Variants in JMJD6 observed in about 807,000 individuals in gnomAD.
JMJD6 encodes bifunctional arginine demethylase and lysyl-hydroxylase JMJD6.
Under a neutral mutation model 45.8 loss-of-function variants are expected in JMJD6, and 17 were observed. That is an observed-to-expected ratio of 0.37 (90% CI 0.25 to 0.56). The LOEUF is 0.56. JMJD6 is among the 20% of genes least tolerant of loss of function. The pLI is 0.79. For synonymous variants in JMJD6, 221 were observed against 196.3 expected (o/e 1.13, Z -1.05); for missense variants, 470 against 517.5 (o/e 0.91, Z 0.89).
chr17:76,716,860 C>A, downstream of JMJD6: 1 of 745,206 alleles, frequency 1.3e-6, no homozygotes, highest in South Asian at 1.6e-5. Context: ...AGTTTTCTTA[C>A]AAATTACAAA....
chr17:76,720,172 T>G (rs1007413347), intron 5 of JMJD6, among the ~76,000 whole-genome samples, 188 bp downstream of exon 5: 1 of 152,100 alleles, frequency 6.6e-6, no homozygotes, highest in Admixed American at 6.6e-5. Context: ...CATGCACATG[T>G]GCAAAGCTGT....
chr17:76,726,253 G>A (rs2076929531), intron 1 of JMJD6, 94 bp downstream of exon 1: 2 of 1,428,610 alleles, frequency 1.4e-6, no homozygotes, highest in Non-Finnish European at 1.8e-6. Context: ...GGTCCCGGGC[G>A]CTCGGGGCGA....
At chr17:76,718,285 C>A (rs2076782198), downstream of JMJD6, among the ~76,000 whole-genome samples, 1 of 151,798 alleles carries the variant, frequency 6.6e-6, no homozygotes, top group Non-Finnish European at 1.5e-5. Flanking sequence ...TCAGGTTCTG[C>A]AGAAGATGCC....
At chr17:76,716,587 A>G, downstream of JMJD6, 1 of 1,109,950 alleles carries the variant, frequency 9.0e-7, no homozygotes, top group Non-Finnish European at 1.4e-6. Context: ...AATTCAAAGA[A>G]GACAGAGGAG....
chr17:76,720,279 G>C, intron 5 of JMJD6, 81 bp downstream of exon 5: 1 of 1,284,862 alleles, frequency 7.8e-7, no homozygotes, highest in Non-Finnish European at 1.1e-6. Context: ...CTGGATAGGA[G>C]GAGGAAGAGT....
At chr17:76,716,542 G>A (rs1268597011), downstream of JMJD6, 13 of 722,222 alleles carry the variant, frequency 1.8e-5, no homozygotes, top group African/African-American at 8.8e-5. Flanking sequence ...GCATTTGACC[G>A]AAGATAGGAG....
chr17:76,722,737 T>C (rs559264907), intron 3 of JMJD6, among the ~76,000 whole-genome samples: 2 of 148,158 alleles, frequency 1.3e-5, no homozygotes, highest in African/African-American at 2.5e-5. Flanking sequence ...TCCCAGCTAC[T>C]TGGGAGGCTG....
At position 76,725,735 on chromosome 17, in the gene JMJD6, T is replaced by C. The variant is rs1598386224; in HGVS notation, c.250A>G (p.Lys84Glu). 1 of 1,614,072 alleles carries C rather than the reference T, an allele frequency of 6.2e-7. No individual in the cohort carries two copies. The highest frequency in any genetic ancestry group is 8.5e-7 in the Non-Finnish European group (1 of 1,179,996). ...CTTTTTAGGCGCTCCAGAGTCCATTTCTCCTGCGCAGACCAGCCCTCTTGC... is the reference window on the plus strand; with the variant it reads ...CTTTTTAGGCGCTCCAGAGTCCATTCCTCCTGCGCAGACCAGCCCTCTTGC... ...NAQEGWSAQEKWTLERLKRKY... is the reference protein window; with the variant it reads ...NAQEGWSAQEEWTLERLKRKY... Residue 84 changes from lysine (K) to glutamate (E), a missense_variant, in exon 2 of 6, where the codon AAA becomes GAA. Lys to Glu is a moderately conservative substitution (Grantham distance 56, BLOSUM62 1). Transcript: ENST00000397625.
At chr17:76,722,869 A>G (rs985214242) in intron 3 of JMJD6, among the ~76,000 whole-genome samples, 2 of 149,922 alleles carry the variant, frequency 1.3e-5, no homozygotes, top group African/African-American at 4.9e-5. Flanking sequence ...AAAAAAAAAA[A>G]GAATTAAACC....
downstream of JMJD6, chr17:76,715,787 C>T (rs2076759454): frequency 6.6e-6 from 1 of 152,292 alleles, no homozygotes; most frequent in South Asian, 2.1e-4. Flanking sequence ...GCTGGTCAAT[C>T]CCCAAAAAGT....
At position 76,720,475 on chromosome 17, in the gene JMJD6, T is replaced by C. The variant is rs759675090; in HGVS notation, c.965A>G (p.Glu322Gly). The change falls in exon 5 of 6, where the codon GAG (glutamate) becomes GGG (glycine). Residue 322 changes from glutamate (E) to glycine (G), a missense_variant. Physicochemically the swap from Glu to Gly is moderately conservative, Grantham distance 98 (BLOSUM62 -2). This residue lies in a region of JMJD6 where 58 missense variants were observed against 103.9 expected (regional missense o/e 0.56). Transcript: ENST00000397625. ...AACCGAGTCTGCGAGGACTGCCAACTCGGGGTGCTCTTGCTTCAAAATCCT... is the reference window on the plus strand; with the variant it reads ...AACCGAGTCTGCGAGGACTGCCAACCCGGGGTGCTCTTGCTTCAAAATCCT... ...WYRILKQEHP[E>G]LAVLADSVDL... The C allele has an allele frequency of 6.2e-7, 1 of 1,614,122 alleles. No homozygotes were observed. The highest frequency in any genetic ancestry group is 8.5e-7 in the Non-Finnish European group (1 of 1,180,016).
At chr17:76,722,968 A>ATTTTTTTTTTTTT (rs2076846781) in intron 3 of JMJD6, among the ~76,000 whole-genome samples, 1 of 148,958 alleles carries the variant, frequency 6.7e-6, no homozygotes. Context: ...TTTTTTTGAA[A>ATTTTTTTTTTTTT]TGGAGTTTTG....
Position 76,720,496 on chromosome 17 carries a change from A to C in JMJD6, c.944T>G (p.Ile315Ser). Reference sequence around the variant, plus strand: ...CAACTCGGGGTGCTCTTGCTTCAAAATCCTGAGAGGCAAGAAGTGTTGTTC... The same window carrying C: ...CAACTCGGGGTGCTCTTGCTTCAAACTCCTGAGAGGCAAGAAGTGTTGTTC... ...RPKLSRKWYR[I>S]LKQEHPELAV... Residue 315 changes from isoleucine (I) to serine (S), a missense_variant and splice_region_variant, in exon 5 of 6, where the codon ATT becomes AGT. Ile to Ser is a moderately radical substitution (Grantham distance 142, BLOSUM62 -2). This residue lies in a region of JMJD6 where 58 missense variants were observed against 103.9 expected (regional missense o/e 0.56). Coordinates refer to ENST00000397625, the MANE Select transcript of JMJD6 (RefSeq NM_015167.3). The C allele has an allele frequency of 6.2e-7, 1 of 1,614,014 alleles. No individual in the cohort carries two copies. The highest frequency in any genetic ancestry group is 8.5e-7 in the Non-Finnish European group (1 of 1,179,964).
chr17:76,718,210 T>G (rs1260266166), downstream of JMJD6, among the ~76,000 whole-genome samples: 1 of 148,582 alleles, frequency 6.7e-6, no homozygotes, highest in Non-Finnish European at 1.5e-5. Context: ...TTTCTGCTGC[T>G]GTCTGATTTG....
Position 76,723,949 on chromosome 17 carries a change from G to C in JMJD6, c.628C>G (p.Pro210Ala). Residue 210 changes from proline to alanine, a missense_variant, in exon 3 of 6, where the codon CCT (proline) becomes GCT (alanine). Transcript: ENST00000397625. The stretch of plus-strand genomic sequence containing the variant: ...ATGAGTTCCCTGGGAGTGCTGGTAG[G>C]AAACAGGCACCAGCGCTTGTGGCCC... ...VQGHKRWCLF[P>A]TSTPRELIKV... 6.2e-7 allele frequency: 1 copy of C among 1,614,116 alleles called. No homozygotes were observed. The highest frequency in any genetic ancestry group is 1.1e-5 in the South Asian group (1 of 91,074).
At chr17:76,714,440 G>A (rs1270334967), downstream of JMJD6, 2 of 152,206 alleles carry the variant, frequency 1.3e-5, no homozygotes, top group Non-Finnish European at 2.9e-5. Context: ...GGGAAGAGGA[G>A]TTAACTTCTG....
At chr17:76,724,179 G>T in intron 2 of JMJD6, 121 bp from the exon 3 acceptor site, 1 of 1,079,920 alleles carries the variant, frequency 9.3e-7, no homozygotes, top group Non-Finnish European at 1.3e-6. Flanking sequence ...GGAATGCAGT[G>T]GCGTGATCTT....
Position 76,718,677 on chromosome 17 carries a change from C to T in JMJD6, c.*52G>A, listed in dbSNP as rs768673378. The T allele has an allele frequency of 3.8e-5, 60 of 1,593,574 alleles. No homozygotes were observed. In the South Asian group the frequency reaches 6.7e-4, roughly 18 times the overall value. On this transcript the variant is annotated 3_prime_UTR_variant, in exon 6 of 6. Transcript: ENST00000397625. ...GACTGGACAGGCCACCCTCCCCAGG[C>T]CCTGCCCTTGCCGCGAGCGTGTCCT...
Position 76,723,762 on chromosome 17 carries a change from T to G in JMJD6, c.805+10A>C. On this transcript the variant is annotated intron_variant, in intron 3 of 5. Coordinates refer to ENST00000397625, the MANE Select transcript of JMJD6 (RefSeq NM_015167.3). ...GGCAAAGAATGTACTTTCTTCCAGTTCATCTATACCTGGTACAAAGACAGT... is the reference window on the plus strand; with the variant it reads ...GGCAAAGAATGTACTTTCTTCCAGTGCATCTATACCTGGTACAAAGACAGT... 6.2e-7 allele frequency: 1 copy of G among 1,610,216 alleles called. No homozygotes were observed. The highest frequency in any genetic ancestry group is 8.5e-7 in the Non-Finnish European group (1 of 1,176,798).
Sources: allele counts gnomAD v4.1 joint callset (sites outside exome capture counted in the v4.1 genomes callset), GRCh38; gene constraint gnomAD v4.1.1; regional missense constraint gnomAD v4.1.1; transcripts MANE v1.5; gene names NCBI Gene and HGNC (gene_info 2026-07-23, HGNC 2026-07-21).